ABCA1: variants seen among roughly 807,000 people sequenced by gnomAD.
The protein encoded by ABCA1 is ATP binding cassette subfamily A member 1.
Under a neutral mutation model 262.5 loss-of-function variants are expected in ABCA1, and 133 were observed. The ratio of observed to expected loss-of-function variants is 0.51; its 90% CI spans 0.44 to 0.59. ABCA1 has a LOEUF of 0.59. Among genes scored for constraint, ABCA1 ranks in the 20% least tolerant of loss-of-function variants. The probability of loss-of-function intolerance (pLI) is 0.00; values close to 1 mark genes in which losing one functional copy is unlikely to be tolerated. For synonymous variants in ABCA1, 1,022 were observed against 1,043.5 expected, an observed-to-expected ratio of 0.98 and a Z score of 0.40; for missense variants, 2,452 against 2,777.5, an observed-to-expected ratio of 0.88 and a Z score of 2.63.
chr9:104,879,387 T>C (rs1279267316), intron 5 of ABCA1, among the ~76,000 whole-genome samples: 1 of 152,206 alleles, frequency 6.6e-6, no homozygotes, highest in African/African-American at 2.4e-5. Context: ...GTGGTTAGTC[T>C]CCACTGGACT....
intron 34 of ABCA1, 46 bp from the exon 35 acceptor site, chr9:104,800,630 T>C (rs368297732): frequency 8.0e-5 from 125 of 1,569,608 alleles, no homozygotes; most frequent in Non-Finnish European, 9.9e-5. Context: ...TTCACATAGA[T>C]AAGGGGCAAC....
chr9:104,800,034 C>T (rs900997861), intron 35 of ABCA1, 46 bp from the exon 36 acceptor site: 9 of 1,611,672 alleles, frequency 5.6e-6, no homozygotes, highest in African/African-American at 4.0e-5. Context: ...CCAAACCGGG[C>T]TCCTGCAGGC....
chr9:104,913,921 G>T (rs760907307), intron 1 of ABCA1, among the ~76,000 whole-genome samples: 1 of 151,768 alleles, frequency 6.6e-6, no homozygotes, highest in African/African-American at 2.4e-5. Context: ...TCAGCCTCCC[G>T]AGTAGCTGGG....
intron 1 of ABCA1, among the ~76,000 whole-genome samples, chr9:104,909,420 C>T (rs527486264): frequency 3.3e-5 from 5 of 152,196 alleles, no homozygotes; most frequent in Admixed American, 6.5e-5. Flanking sequence ...CAGAGAGTAA[C>T]GGGGTGGAAG....
intron 2 of ABCA1, among the ~76,000 whole-genome samples, chr9:104,896,531 A>C (rs908085582): frequency 6.6e-6 from 1 of 151,980 alleles, no homozygotes; most frequent in Non-Finnish European, 1.5e-5. Flanking sequence ...ATGGGGAAAA[A>C]ACAGATAAAA....
intron 2 of ABCA1, among the ~76,000 whole-genome samples, chr9:104,893,910 T>A (rs923317346): frequency 2.0e-5 from 3 of 152,210 alleles, no homozygotes; most frequent in Non-Finnish European, 4.4e-5. Flanking sequence ...TTATAATACT[T>A]ACAGCCAATA....
chr9:104,802,160 C>T lies in ABCA1; in HGVS notation c.4593-1G>A. 6.2e-7 allele frequency: 1 copy of T among 1,613,984 alleles called. No individual in the cohort carries two copies. The highest frequency in any genetic ancestry group is 8.5e-7 in the Non-Finnish European group (1 of 1,179,868). On this transcript the variant is annotated splice_acceptor_variant, in intron 33 of 49. Coordinates refer to ENST00000374736, the MANE Select transcript of ABCA1 (RefSeq NM_005502.4). LOFTEE classifies it high-confidence loss of function. ...GACACCCAGGGAAAAGCCGCCATAC[C>T]TAAAAGAACAGCCTGACATTAAAAC...
chr9:104,875,814 C>G (rs573644817), intron 5 of ABCA1, among the ~76,000 whole-genome samples: 2 of 152,266 alleles, frequency 1.3e-5, no homozygotes, highest in South Asian at 4.1e-4. Flanking sequence ...CATCACAGTT[C>G]TCATGGAGAG....
At chr9:104,814,669 G>A (rs931749270) in intron 25 of ABCA1, among the ~76,000 whole-genome samples, 194 bp from the exon 26 acceptor site, 1 of 152,192 alleles carries the variant, frequency 6.6e-6, no homozygotes, top group South Asian at 2.1e-4. Flanking sequence ...TTTCCTCAGT[G>A]GTGAGAGCTA....
At chr9:104,875,012 G>A (rs1257189802) in intron 5 of ABCA1, among the ~76,000 whole-genome samples, 1 of 152,008 alleles carries the variant, frequency 6.6e-6, no homozygotes, top group Non-Finnish European at 1.5e-5. Flanking sequence ...CATTGAGAAT[G>A]GGCCATGATG....
intron 3 of ABCA1, 127 bp from the exon 4 acceptor site, chr9:104,884,695 G>C (rs1040898880): frequency 4.7e-5 from 53 of 1,124,710 alleles, no homozygotes; most frequent in Non-Finnish European, 6.7e-5. Flanking sequence ...CCAGAGACCT[G>C]TCTCTTCTGA....
chr9:104,913,515 G>A (rs574733365), intron 1 of ABCA1, among the ~76,000 whole-genome samples: 3 of 152,352 alleles, frequency 2.0e-5, no homozygotes, highest in South Asian at 2.1e-4. Flanking sequence ...GGGACACAGA[G>A]TGGGTGGTTT....
chr9:104,804,769 G>A (rs768441213), intron 31 of ABCA1, 49 bp from the exon 32 acceptor site: 13 of 1,498,544 alleles, frequency 8.7e-6, no homozygotes, highest in Non-Finnish European at 1.1e-5. Context: ...GACAAGAATT[G>A]AAACAGAAAA....
At chr9:104,802,678 C>T (rs917329482) in intron 33 of ABCA1, among the ~76,000 whole-genome samples, 1 of 152,222 alleles carries the variant, frequency 6.6e-6, no homozygotes, top group African/African-American at 2.4e-5. Context: ...AACAAGGAGC[C>T]TTCGGGCCCC....
intron 4 of ABCA1, 94 bp from the exon 5 acceptor site, chr9:104,883,251 C>G (rs1461668566): frequency 1.8e-6 from 2 of 1,137,502 alleles, no homozygotes; most frequent in East Asian, 4.7e-5. Flanking sequence ...AGAACTCAGC[C>G]TGGCTCCCAG....
rs1839484701 is a variant in ABCA1, at chr9:104,889,213, T to C, written c.67-18A>G. 1.2e-6 allele frequency: 2 copies of C among 1,611,910 alleles called. No individual in the cohort carries two copies. The highest frequency in any genetic ancestry group is 2.2e-5 in the South Asian group (2 of 90,964). ...AGCTGACACTGAGTGGGAAATAAGATAGAACACTGTAAATTTAAAAATAAT... is the reference window on the plus strand; with the variant it reads ...AGCTGACACTGAGTGGGAAATAAGACAGAACACTGTAAATTTAAAAATAAT... On this transcript the variant is annotated intron_variant, in intron 2 of 49. Coordinates refer to ENST00000374736, the MANE Select transcript of ABCA1 (RefSeq NM_005502.4).
chr9:104,898,599 T>C (rs915637188), intron 2 of ABCA1, among the ~76,000 whole-genome samples: 4 of 146,400 alleles, frequency 2.7e-5, no homozygotes, highest in African/African-American at 1.0e-4. Flanking sequence ...TAAATAAATA[T>C]TAAATTAAAT....
intron 8 of ABCA1, among the ~76,000 whole-genome samples, chr9:104,844,878 T>G (rs1357741807): frequency 6.6e-6 from 1 of 152,220 alleles, no homozygotes; most frequent in Non-Finnish European, 1.5e-5. Flanking sequence ...CAGAGCTAAC[T>G]GCTTTTGCAA....
intron 6 of ABCA1, 157 bp downstream of exon 6, chr9:104,861,522 G>T: frequency 9.4e-7 from 1 of 1,068,416 alleles, no homozygotes; most frequent in Non-Finnish European, 1.4e-6. Flanking sequence ...GGCAATTCCT[G>T]CCTGAATAGG....
Sources: allele counts gnomAD v4.1 joint callset (sites outside exome capture counted in the v4.1 genomes callset), GRCh38; gene constraint gnomAD v4.1.1; transcripts MANE v1.5; gene names NCBI Gene and HGNC (gene_info 2026-07-23, HGNC 2026-07-21).